PTPRK: variants seen among roughly 807,000 people sequenced by gnomAD.
The protein encoded by PTPRK is receptor-type tyrosine-protein phosphatase kappa.
Under a neutral mutation model 178.0 loss-of-function variants are expected in PTPRK, and 75 were observed. The observed-to-expected ratio is 0.42, with a 90% CI of 0.35 to 0.51. PTPRK has a LOEUF of 0.51. Among genes scored for constraint, PTPRK ranks in the 20% least tolerant of loss-of-function variants. The pLI, the probability that PTPRK is intolerant of heterozygous loss-of-function variation, is 0.02. For synonymous variants in PTPRK, 637 were observed against 620.6 expected (o/e 1.03, Z -0.39); for missense variants, 1,441 against 1,797.8 (o/e 0.80, Z 3.59).
At chr6:128,083,388 A>T (rs537829134) in intron 9 of PTPRK, among the ~76,000 whole-genome samples, 7 of 152,076 alleles carry the variant, frequency 4.6e-5, no homozygotes, top group Non-Finnish European at 1.0e-4. Flanking sequence ...TTAAATTTAT[A>T]AAAAGGAAAA....
chr6:128,506,347 T>A (rs986724417), intron 1 of PTPRK, among the ~76,000 whole-genome samples: 1 of 152,154 alleles, frequency 6.6e-6, no homozygotes, highest in African/African-American at 2.4e-5. Context: ...TCATATTTTA[T>A]CATCTGAGAT....
chr6:128,067,497 G>C, intron 12 of PTPRK, 22 bp downstream of exon 12: 1 of 1,458,890 alleles, frequency 6.9e-7, no homozygotes, highest in Non-Finnish European at 9.1e-7. Context: ...CAGGGAAAAA[G>C]CAAATCCTGG....
chr6:128,061,675 C>T (rs1780847341), intron 13 of PTPRK, among the ~76,000 whole-genome samples: 1 of 152,058 alleles, frequency 6.6e-6, no homozygotes, highest in South Asian at 2.1e-4. Context: ...GATTCCTGGG[C>T]AGGGTTGTCC....
At chr6:128,465,260 TAAAC>T (rs1157911857) in intron 1 of PTPRK, among the ~76,000 whole-genome samples, 2 of 152,040 alleles carry the variant, frequency 1.3e-5, no homozygotes, top group Non-Finnish European at 2.9e-5. Context: ...GAGTTTTAAT[TAAAC>T]AAGTTGCTTT....
chr6:128,374,587 C>T (rs974431765), intron 2 of PTPRK, among the ~76,000 whole-genome samples: 6 of 152,074 alleles, frequency 3.9e-5, no homozygotes, highest in Admixed American at 6.6e-5. Context: ...AAATCCAATC[C>T]GTCAGCAAAT....
chr6:128,098,501 C>A (rs1176673076), intron 7 of PTPRK, among the ~76,000 whole-genome samples: 1 of 152,058 alleles, frequency 6.6e-6, no homozygotes, highest in Admixed American at 6.6e-5. Flanking sequence ...CAGAAGCCAA[C>A]CTATAGCCAG....
chr6:128,040,164 T>C (rs1562479889), intron 13 of PTPRK, among the ~76,000 whole-genome samples: 1 of 152,196 alleles, frequency 6.6e-6, no homozygotes, highest in Non-Finnish European at 1.5e-5. Context: ...TATTAACATT[T>C]TCTTATTTGC....
At chr6:128,295,943 C>T (rs144340790) in intron 3 of PTPRK, among the ~76,000 whole-genome samples, 1 of 152,078 alleles carries the variant, frequency 6.6e-6, no homozygotes, top group Admixed American at 6.6e-5. Context: ...GACTTACATC[C>T]TTACAGAGTG....
At chr6:128,370,251 C>T (rs1836080720) in intron 2 of PTPRK, among the ~76,000 whole-genome samples, 1 of 152,138 alleles carries the variant, frequency 6.6e-6, no homozygotes, top group Non-Finnish European at 1.5e-5. Context: ...CAAACATCAT[C>T]ATCCACCAGG....
chr6:128,035,546 T>C (rs1343336781), intron 13 of PTPRK, among the ~76,000 whole-genome samples: 1 of 152,124 alleles, frequency 6.6e-6, no homozygotes, highest in Non-Finnish European at 1.5e-5. Context: ...CTCATAAAAA[T>C]ATATCATATT....
At chr6:128,211,405 T>G (rs1473446076) in intron 6 of PTPRK, among the ~76,000 whole-genome samples, 4 of 152,154 alleles carry the variant, frequency 2.6e-5, no homozygotes, top group African/African-American at 9.7e-5. Context: ...TTAATTCTTG[T>G]CAGATTATAT....
intron 11 of PTPRK, among the ~76,000 whole-genome samples, chr6:128,074,213 C>G (rs1043104307): frequency 6.6e-6 from 1 of 151,830 alleles, no homozygotes; most frequent in Non-Finnish European, 1.5e-5. Context: ...ACAAAGTAAC[C>G]TTAGAATGGG....
intron 1 of PTPRK, among the ~76,000 whole-genome samples, chr6:128,515,577 T>C (rs1015046069): frequency 6.6e-6 from 1 of 152,092 alleles, no homozygotes; most frequent in Non-Finnish European, 1.5e-5. Flanking sequence ...CTAGAAAATG[T>C]GTTTGCGCAA....
intron 1 of PTPRK, among the ~76,000 whole-genome samples, chr6:128,505,160 G>C (rs796080058): frequency 6.0e-5 from 9 of 148,780 alleles, no homozygotes; most frequent in African/African-American, 2.2e-4. Context: ...CTGGAGTGCA[G>C]TGGCGAAATC....
intron 2 of PTPRK, among the ~76,000 whole-genome samples, chr6:128,345,753 C>A (rs1269935031): frequency 2.0e-5 from 3 of 152,170 alleles, no homozygotes; most frequent in Non-Finnish European, 4.4e-5. Flanking sequence ...ATACTACATG[C>A]ATTTGTATCC....
intron 1 of PTPRK, among the ~76,000 whole-genome samples, chr6:128,403,818 A>G (rs1323714202): frequency 1.3e-5 from 2 of 152,212 alleles, no homozygotes; most frequent in African/African-American, 2.4e-5. Context: ...ACAGTCAGGA[A>G]ATACCTTCCT....
intron 13 of PTPRK, among the ~76,000 whole-genome samples, chr6:128,014,804 C>T (rs1779425669): frequency 6.6e-6 from 1 of 151,622 alleles, no homozygotes; most frequent in Non-Finnish European, 1.5e-5. Flanking sequence ...TATTATTTAA[C>T]TCAATGATCT....
chr6:128,490,038 G>T (rs1853543796), intron 1 of PTPRK, among the ~76,000 whole-genome samples: 2 of 152,136 alleles, frequency 1.3e-5, no homozygotes, highest in African/African-American at 4.8e-5. Flanking sequence ...ACATATTTAA[G>T]TAATTAAAAA....
At chr6:128,023,664 A>AT (rs758835822) in intron 13 of PTPRK, among the ~76,000 whole-genome samples, 29 of 151,672 alleles carry the variant, frequency 1.9e-4, no homozygotes, top group Non-Finnish European at 3.5e-4. Flanking sequence ...ATTTTATTTT[A>AT]TTTTTTTGAG....
Sources: gnomAD v4.1 joint callset for allele counts (sites outside exome capture counted in the v4.1 genomes callset) on GRCh38, gnomAD v4.1.1 for gene constraint, MANE v1.5 for transcripts, NCBI Gene and HGNC (gene_info 2026-07-23, HGNC 2026-07-21) for gene names.